The following TBC1D22A variants were observed in gnomAD, a reference collection of about 807,000 sequenced individuals.
TBC1D22A encodes the protein TBC1 domain family member 22A, also known as putative GTPase activator.
In TBC1D22A, 38 loss-of-function variants were observed where a neutral mutation model predicts 60.2. The observed-to-expected ratio is 0.63, with a 90% CI of 0.49 to 0.83. TBC1D22A has a LOEUF of 0.83. Ranked by LOEUF, TBC1D22A falls within the 40% of genes least tolerant of loss-of-function variation. The probability of loss-of-function intolerance (pLI) is 0.00; values close to 1 mark genes in which losing one functional copy is unlikely to be tolerated. For synonymous variants in TBC1D22A, 302 were observed against 281.7 expected, an observed-to-expected ratio of 1.07 and a Z score of -0.72; for missense variants, 628 against 701.0, an observed-to-expected ratio of 0.90 and a Z score of 1.18.
At chr22:47,139,542 G>C (rs750081854) in intron 12 of TBC1D22A, among the ~76,000 whole-genome samples, 9 of 152,180 alleles carry the variant, frequency 5.9e-5, no homozygotes, top group Admixed American at 1.3e-4. Context: ...AGCACCTCCA[G>C]GGGGCTTTGG....
At chr22:47,076,359 G>GTATATATATATA (rs1375339824) in intron 11 of TBC1D22A, among the ~76,000 whole-genome samples, 5 of 85,162 alleles carry the variant, frequency 5.9e-5, no homozygotes, top group Admixed American at 4.4e-4. Context: ...ATATATGTGT[G>GTATATATATATA]TGTATATATA....
chr22:47,136,331 G>A (rs1306857477), intron 12 of TBC1D22A, among the ~76,000 whole-genome samples: 1 of 152,208 alleles, frequency 6.6e-6, no homozygotes, highest in South Asian at 2.1e-4. Flanking sequence ...GGATTCAGCC[G>A]GTCTCCCCCC....
At chr22:47,102,209 C>T (rs148924098) in intron 11 of TBC1D22A, among the ~76,000 whole-genome samples, 98 of 152,302 alleles carry the variant, frequency 6.4e-4, no homozygotes, top group African/African-American at 2.3e-3. Flanking sequence ...GCCTGGAGAA[C>T]GGGGAGATCT....
chr22:46,792,152 G>A (rs1569038106), intron 1 of TBC1D22A, among the ~76,000 whole-genome samples: 1 of 152,218 alleles, frequency 6.6e-6, no homozygotes, highest in Non-Finnish European at 1.5e-5. Flanking sequence ...CCAGGTGGGC[G>A]TTTCTTCGAG....
intron 9 of TBC1D22A, among the ~76,000 whole-genome samples, chr22:46,991,496 G>T (rs1009322030): frequency 6.6e-6 from 1 of 152,222 alleles, no homozygotes; most frequent in South Asian, 2.1e-4. Context: ...CAAGTCCTAC[G>T]TTCAGGTGCA....
chr22:47,102,527 C>T (rs1235958231), intron 11 of TBC1D22A, among the ~76,000 whole-genome samples: 1 of 152,226 alleles, frequency 6.6e-6, no homozygotes, highest in Middle Eastern at 3.2e-3. Flanking sequence ...CTCATTAAAG[C>T]AGAAGCCCAT....
chr22:46,997,642 C>T lies in TBC1D22A; in HGVS notation c.1134C>T (p.Tyr378=), dbSNP rs1300842699. The T allele has an allele frequency of 1.2e-6, 2 of 1,613,552 alleles. No homozygotes were observed. The highest frequency in any genetic ancestry group is 1.7e-6 in the Non-Finnish European group (2 of 1,179,730). The change falls in exon 10 of 13, where the codon TAC becomes TAT. Residue 378 remains tyrosine, a synonymous_variant. Coordinates refer to ENST00000337137, the MANE Select transcript of TBC1D22A (RefSeq NM_014346.5). ...SKLLDGIQDN[Y]TFAQPGIQMK... is the part of the protein sequence containing the mutation. ...TATTCTTTTTTCCTTAGGACAACTA[C>T]ACCTTTGCCCAACCTGGGATTCAAA...
chr22:47,102,447 C>G (rs2065456877), intron 11 of TBC1D22A, among the ~76,000 whole-genome samples: 1 of 152,238 alleles, frequency 6.6e-6, no homozygotes, highest in African/African-American at 2.4e-5. Context: ...CAGGGCTGGC[C>G]TGTGGCCACT....
At chr22:46,812,850 G>C (rs1002587496) in intron 4 of TBC1D22A, among the ~76,000 whole-genome samples, 2 of 152,128 alleles carry the variant, frequency 1.3e-5, no homozygotes, top group African/African-American at 4.8e-5. Context: ...CTTAATGTTA[G>C]CATTTATCTT....
chr22:47,004,447 A>T (rs989289485), intron 10 of TBC1D22A, among the ~76,000 whole-genome samples: 1 of 148,356 alleles, frequency 6.7e-6, no homozygotes, highest in African/African-American at 2.5e-5. Flanking sequence ...ACATACCCCT[A>T]TATACACACT....
intron 10 of TBC1D22A, among the ~76,000 whole-genome samples, chr22:47,034,894 C>T (rs749575285): frequency 7.2e-5 from 11 of 152,188 alleles, no homozygotes; most frequent in Non-Finnish European, 1.3e-4. Flanking sequence ...CCTTGCTGCT[C>T]GCGTGTGACG....
At chr22:46,802,237 G>A (rs1028580676) in intron 4 of TBC1D22A, among the ~76,000 whole-genome samples, 18 of 152,208 alleles carry the variant, frequency 1.2e-4, no homozygotes, top group Non-Finnish European at 2.1e-4. Flanking sequence ...GCTTGCGAGG[G>A]CCCTGCCCTC....
At chr22:47,052,771 A>AC (rs917673236) in intron 11 of TBC1D22A, among the ~76,000 whole-genome samples, 1 of 151,726 alleles carries the variant, frequency 6.6e-6, no homozygotes, top group African/African-American at 2.4e-5. Context: ...CTCCCACAGT[A>AC]CCCCCGGGCA....
intron 4 of TBC1D22A, among the ~76,000 whole-genome samples, chr22:46,877,790 T>C (rs890237097): frequency 3.3e-5 from 5 of 152,264 alleles, no homozygotes; most frequent in Non-Finnish European, 5.9e-5. Flanking sequence ...AAATAATTAC[T>C]TGAGTTTCCA....
chr22:47,149,664 AG>A (rs71970776), intron 12 of TBC1D22A, among the ~76,000 whole-genome samples: 3,449 of 152,356 alleles, frequency 0.023, 116 homozygotes, highest in African/African-American at 0.076. Flanking sequence ...GCAGGGCTGC[AG>A]GGAGGTACCC....
intron 10 of TBC1D22A, among the ~76,000 whole-genome samples, chr22:47,006,588 G>A (rs1055187678): frequency 2.0e-5 from 3 of 152,214 alleles, no homozygotes; most frequent in Non-Finnish European, 4.4e-5. Context: ...ACCCAGGATG[G>A]TGGCCCCGTT....
intron 1 of TBC1D22A, among the ~76,000 whole-genome samples, chr22:46,785,346 G>C (rs1229931738): frequency 1.3e-5 from 2 of 152,226 alleles, no homozygotes; most frequent in Non-Finnish European, 2.9e-5. Context: ...CATCTTCAGA[G>C]AATGGGTAGC....
chr22:47,043,012 G>C (rs981068195), intron 11 of TBC1D22A, among the ~76,000 whole-genome samples: 1 of 152,198 alleles, frequency 6.6e-6, no homozygotes, highest in Non-Finnish European at 1.5e-5. Flanking sequence ...CTCAGCCCAC[G>C]TGCAGTTATC....
At chr22:46,839,936 A>C (rs1030785939) in intron 4 of TBC1D22A, among the ~76,000 whole-genome samples, 3 of 152,254 alleles carry the variant, frequency 2.0e-5, no homozygotes, top group Middle Eastern at 3.2e-3. Context: ...CGGCATATAC[A>C]AAAGTCAACT....
Sources: allele counts gnomAD v4.1 joint callset (sites outside exome capture counted in the v4.1 genomes callset), GRCh38; gene constraint gnomAD v4.1.1; transcripts MANE v1.5; gene names NCBI Gene and HGNC (gene_info 2026-07-23, HGNC 2026-07-21).